The following CPHXL2 variants were observed in gnomAD, a reference collection of about 807,000 sequenced individuals.
CPHXL2 encodes cytoplasmic polyadenylated homeobox like 2.
chr16:75,663,638 C>G, the CPHXL2 span, among the ~76,000 whole-genome samples: 1 of 152,132 alleles, frequency 6.6e-6, no homozygotes, highest in African/African-American at 2.4e-5. Flanking sequence ...AATCCCAGCA[C>G]TTTGGGAGGC....
At chr16:75,662,343 T>C in the CPHXL2 span, among the ~76,000 whole-genome samples, 1 of 150,948 alleles carries the variant, frequency 6.6e-6, no homozygotes, top group African/African-American at 2.4e-5. Context: ...TTCTTTTTTT[T>C]TTTTTTTTTA....
chr16:75,667,402 A>G, the CPHXL2 span, among the ~76,000 whole-genome samples: 3 of 151,960 alleles, frequency 2.0e-5, no homozygotes, highest in Admixed American at 1.3e-4. Context: ...CCTGATCTGT[A>G]TTCTTATTCT....
the CPHXL2 span, among the ~76,000 whole-genome samples, chr16:75,676,498 CTT>C: frequency 6.6e-6 from 1 of 152,072 alleles, no homozygotes; most frequent in African/African-American, 2.4e-5. Flanking sequence ...ATTTTTATTT[CTT>C]TTGTAGAAAT....
the CPHXL2 span, among the ~76,000 whole-genome samples, chr16:75,667,891 T>A: frequency 2.0e-5 from 3 of 152,352 alleles, no homozygotes; most frequent in South Asian, 6.2e-4. Context: ...TTCCATAGAC[T>A]TAAGTCAAGC....
the CPHXL2 span, among the ~76,000 whole-genome samples, chr16:75,671,181 G>A: frequency 1.3e-5 from 2 of 151,242 alleles, no homozygotes; most frequent in African/African-American, 4.9e-5. Flanking sequence ...TCAGGAGTTC[G>A]AGGATAGCCT....
At chr16:75,670,105 G>A in the CPHXL2 span, among the ~76,000 whole-genome samples, 2 of 152,158 alleles carry the variant, frequency 1.3e-5, no homozygotes, top group East Asian at 1.9e-4. Context: ...TAGTAGAGAC[G>A]GGATTTCACC....
chr16:75,671,361 CAAAAA>C, the CPHXL2 span, among the ~76,000 whole-genome samples: 3 of 126,396 alleles, frequency 2.4e-5, no homozygotes, highest in Non-Finnish European at 3.3e-5. Context: ...GACTCTGTAT[CAAAAA>C]AAAAAAAAAA....
chr16:75,664,437 C>T, the CPHXL2 span, among the ~76,000 whole-genome samples: 1 of 151,936 alleles, frequency 6.6e-6, no homozygotes, highest in African/African-American at 2.4e-5. Context: ...ACCAGCCTGA[C>T]CAACATGGAG....
the CPHXL2 span, among the ~76,000 whole-genome samples, chr16:75,661,765 G>A: frequency 6.6e-6 from 1 of 152,122 alleles, no homozygotes; most frequent in African/African-American, 2.4e-5. Flanking sequence ...CACAAGTAAA[G>A]AGTGCAATTG....
chr16:75,674,372 CAAAAAAA>C, the CPHXL2 span, among the ~76,000 whole-genome samples: 1 of 53,400 alleles, frequency 1.9e-5, no homozygotes, highest in Non-Finnish European at 3.7e-5. Flanking sequence ...GACTCCGTCT[CAAAAAAA>C]AAAAAAAAAA....
the CPHXL2 span, among the ~76,000 whole-genome samples, chr16:75,662,736 A>AG: frequency 6.6e-6 from 1 of 152,038 alleles, no homozygotes; most frequent in Non-Finnish European, 1.5e-5. Context: ...TGAGGGAGGC[A>AG]GAGATGAGAA....
chr16:75,660,886 C>T, the CPHXL2 span: 10 of 398,538 alleles, frequency 2.5e-5, no homozygotes, highest in Non-Finnish European at 4.0e-5. Context: ...TCAGTACCTG[C>T]GACCAGATAG....
chr16:75,675,130 A>T, the CPHXL2 span, among the ~76,000 whole-genome samples: 274 of 149,334 alleles, frequency 1.8e-3, no homozygotes, highest in African/African-American at 6.3e-3. Flanking sequence ...CAGAGGTTGC[A>T]GTGAGCCGAG....
At chr16:75,663,067 G>A in the CPHXL2 span, among the ~76,000 whole-genome samples, 2 of 152,104 alleles carry the variant, frequency 1.3e-5, no homozygotes, top group Admixed American at 6.5e-5. Flanking sequence ...CCCAAAGTGC[G>A]GGGATTACAG....
the CPHXL2 span, among the ~76,000 whole-genome samples, chr16:75,661,645 C>A: frequency 6.6e-6 from 1 of 151,950 alleles, no homozygotes; most frequent in East Asian, 1.9e-4. Context: ...TTCCTACAAC[C>A]CTGCTACTTT....
the CPHXL2 span, among the ~76,000 whole-genome samples, chr16:75,666,608 CAAAAAAAA>C: frequency 2.9e-4 from 19 of 65,116 alleles, no homozygotes; most frequent in East Asian, 1.4e-3. Flanking sequence ...AACTCTATCT[CAAAAAAAA>C]AAAAAAAAAA....
At chr16:75,668,446 C>G in the CPHXL2 span, among the ~76,000 whole-genome samples, 1 of 152,096 alleles carries the variant, frequency 6.6e-6, no homozygotes, top group Non-Finnish European at 1.5e-5. Context: ...TCAGGCTGGT[C>G]TCAAACTCCT....
At chr16:75,663,451 C>T in the CPHXL2 span, among the ~76,000 whole-genome samples, 36 of 152,310 alleles carry the variant, frequency 2.4e-4, 1 homozygote, top group South Asian at 8.3e-4. Context: ...TAACGGACCC[C>T]TCCTCTCAGC....
chr16:75,662,326 C>T, the CPHXL2 span, among the ~76,000 whole-genome samples: 3 of 144,394 alleles, frequency 2.1e-5, no homozygotes, highest in Non-Finnish European at 3.0e-5. Context: ...TTCCCTTTTT[C>T]TTTCTTTTCT....
Sources: gnomAD v4.1 joint callset for allele counts (sites outside exome capture counted in the v4.1 genomes callset) on GRCh38, gnomAD v4.1.1 for gene constraint, MANE v1.5 for transcripts, NCBI Gene and HGNC (gene_info 2026-07-23, HGNC 2026-07-21) for gene names.